HAT1: variants seen among roughly 807,000 people sequenced by gnomAD.
HAT1 encodes the protein histone acetyltransferase 1.
Under a neutral mutation model 56.6 loss-of-function variants are expected in HAT1, and 20 were observed. That is an observed-to-expected ratio of 0.35 (90% CI 0.25 to 0.51). The LOEUF (loss-of-function observed/expected upper bound fraction) is 0.51, where lower values mean the gene tolerates loss of function less well. HAT1 is among the 20% of genes least tolerant of loss of function. HAT1 has a pLI of 0.95. For synonymous variants in HAT1, 146 were observed against 165.5 expected, an observed-to-expected ratio of 0.88 and a Z score of 0.91; for missense variants, 408 against 504.3, an observed-to-expected ratio of 0.81 and a Z score of 1.83.
intron 4 of HAT1, chr2:171,964,701 G>A (rs62182446): frequency 0.13 from 20,332 of 152,118 alleles, 1,769 homozygotes; most frequent in South Asian, 0.2. Flanking sequence ...TTTAATCTCC[G>A]AGTTTAGTTT....
intron 2 of HAT1, among the ~76,000 whole-genome samples, chr2:171,934,798 C>T (rs558528993): frequency 2.1e-4 from 30 of 144,812 alleles, no homozygotes; most frequent in East Asian, 1.0e-3. Context: ...TCTTGTCATC[C>T]GGGCTGGAGT....
At chr2:171,953,626 T>TAAAAAA (rs587686867) in intron 4 of HAT1, among the ~76,000 whole-genome samples, 980 of 84,432 alleles carry the variant, frequency 0.012, 32 homozygotes, top group Middle Eastern at 0.016. Context: ...CCCTGTCTCT[T>TAAAAAA]AAAAAAAAAA....
At chr2:171,962,117 AAAT>A (rs901467778) in intron 4 of HAT1, among the ~76,000 whole-genome samples, 19 of 152,184 alleles carry the variant, frequency 1.2e-4, no homozygotes, top group Non-Finnish European at 2.2e-4. Context: ...AACATTAAAA[AAAT>A]AGATTACTAA....
intron 3 of HAT1, among the ~76,000 whole-genome samples, chr2:171,951,020 A>T (rs1186856392): frequency 6.6e-6 from 1 of 152,158 alleles, no homozygotes; most frequent in Non-Finnish European, 1.5e-5. Context: ...CGTGTTGGCC[A>T]GGCTGGTGTC....
intron 1 of HAT1, 44 bp from the exon 2 acceptor site, chr2:171,925,488 CAATTT>C (rs1210537348): frequency 4.8e-6 from 4 of 830,458 alleles, no homozygotes; most frequent in Non-Finnish European, 8.5e-6. Flanking sequence ...GCAGGTTTGA[CAATTT>C]AAGTCACTTC....
chr2:171,952,834 A>G, intron 3 of HAT1, 47 bp from the exon 4 acceptor site: 1 of 1,430,946 alleles, frequency 7.0e-7, no homozygotes, highest in Non-Finnish European at 9.6e-7. Context: ...AATACTTTTT[A>G]ATGACTGCAA....
chr2:171,969,989 T>TA lies in HAT1; in HGVS notation c.823+3047dup, dbSNP rs561421485. Reference sequence around the variant, plus strand: ...CAACATAGGGAGATTCCCGTCTCTATAAAAAAATTTTTTTTAATTAGCTGG... The same window carrying TA: ...CAACATAGGGAGATTCCCGTCTCTATAAAAAAAATTTTTTTTAATTAGCTGG... On this transcript the variant is annotated intron_variant, in intron 8 of 10. Transcript: ENST00000264108. 6.4e-4 allele frequency among the ~76,000 whole-genome samples: 97 copies of TA among 152,128 alleles called. 1 individual carries two copies. The highest frequency in any genetic ancestry group is 2.0e-3 in the African/African-American group (85 of 41,502).
At chr2:171,969,271 T>G (rs1446934938) in intron 8 of HAT1, among the ~76,000 whole-genome samples, 3 of 152,228 alleles carry the variant, frequency 2.0e-5, no homozygotes, top group African/African-American at 7.2e-5. Flanking sequence ...CATTAAGAGC[T>G]AATTATATTT....
At chr2:171,980,901 G>C (rs1357087323) in intron 10 of HAT1, 1 of 151,280 alleles carries the variant, frequency 6.6e-6, no homozygotes, top group African/African-American at 2.4e-5. Context: ...CAGGTGCGGT[G>C]GTTCACGTCT....
At chr2:171,965,297 G>T in intron 4 of HAT1, 41 bp from the exon 5 acceptor site, 1 of 1,207,316 alleles carries the variant, frequency 8.3e-7, no homozygotes, top group Non-Finnish European at 1.2e-6. Context: ...TCAACTTAAA[G>T]TCGAATTTGT....
At chr2:171,962,044 GC>G (rs1687588829) in intron 4 of HAT1, among the ~76,000 whole-genome samples, 1 of 151,994 alleles carries the variant, frequency 6.6e-6, no homozygotes, top group South Asian at 2.1e-4. Flanking sequence ...GACAAATGGT[GC>G]TGCTTAAGAT....
chr2:171,930,569 T>C (rs758735871), intron 2 of HAT1, among the ~76,000 whole-genome samples: 3 of 152,258 alleles, frequency 2.0e-5, no homozygotes, highest in East Asian at 1.9e-4. Context: ...TGTAATTGTT[T>C]TGTATTCTGC....
At chr2:171,947,297 C>G (rs1047432837) in intron 3 of HAT1, among the ~76,000 whole-genome samples, 5 of 152,072 alleles carry the variant, frequency 3.3e-5, no homozygotes, top group Admixed American at 1.3e-4. Context: ...CTGTGTCACC[C>G]AGGCTGGAGT....
intron 9 of HAT1, among the ~76,000 whole-genome samples, chr2:171,977,555 ATATTTTTT>A (rs1419494765): frequency 2.7e-4 from 3 of 11,222 alleles, no homozygotes; most frequent in South Asian, 0.012. Context: ...ATATATATAT[ATATTTTTT>A]TTTTTTTTTT....
At chr2:171,925,466 A>G (rs1248225057) in intron 1 of HAT1, 71 bp from the exon 2 acceptor site, 1 of 747,072 alleles carries the variant, frequency 1.3e-6, no homozygotes, top group Non-Finnish European at 2.5e-6. Context: ...TTCCACTTAT[A>G]ATAACCCTAT....
At chr2:171,967,314 T>C (rs967620819) in intron 8 of HAT1, among the ~76,000 whole-genome samples, 3 of 152,304 alleles carry the variant, frequency 2.0e-5, no homozygotes, top group Non-Finnish European at 4.4e-5. Flanking sequence ...GGGCAGAATA[T>C]TATAAACTTT....
intron 2 of HAT1, among the ~76,000 whole-genome samples, chr2:171,926,917 G>A (rs575272002): frequency 1.3e-5 from 2 of 152,298 alleles, no homozygotes; most frequent in African/African-American, 4.8e-5. Flanking sequence ...ATATCAGCTG[G>A]TAAATGAATA....
chr2:171,955,758 A>C (rs145181252), intron 4 of HAT1, among the ~76,000 whole-genome samples: 3,360 of 152,246 alleles, frequency 0.022, 57 homozygotes, highest in Middle Eastern at 0.038. Context: ...AGAAACACGA[A>C]CATGAGCTGG....
At chr2:171,971,329 A>T (rs760824010) in intron 8 of HAT1, among the ~76,000 whole-genome samples, 4 of 152,364 alleles carry the variant, frequency 2.6e-5, no homozygotes, top group Admixed American at 6.5e-5. Flanking sequence ...TTTTAAGTGG[A>T]CAGTTCAGTG....
Sources: allele counts gnomAD v4.1 joint callset (sites outside exome capture counted in the v4.1 genomes callset), GRCh38; gene constraint gnomAD v4.1.1; transcripts MANE v1.5; gene names NCBI Gene and HGNC (gene_info 2026-07-23, HGNC 2026-07-21).